Variants in OSBPL8 observed in about 807,000 individuals in gnomAD.
OSBPL8 encodes oxysterol binding protein like 8, also known as oxysterol-binding protein-related protein 8.
Under a neutral mutation model 125.5 loss-of-function variants are expected in OSBPL8, and 59 were observed. The ratio of observed to expected loss-of-function variants is 0.47; its 90% CI spans 0.38 to 0.58. The LOEUF (loss-of-function observed/expected upper bound fraction) is 0.58, where lower values mean the gene tolerates loss of function less well. OSBPL8 is among the 20% of genes least tolerant of loss of function. The pLI, the probability that OSBPL8 is intolerant of heterozygous loss-of-function variation, is 0.00. For synonymous variants in OSBPL8, 330 were observed against 338.9 expected (o/e 0.97, Z 0.29); for missense variants, 758 against 1,047.8 (o/e 0.72, Z 3.82).
chr12:76,410,750 A>C, intron 4 of OSBPL8, 116 bp from the exon 5 acceptor site: 1 of 660,148 alleles, frequency 1.5e-6, no homozygotes, highest in Non-Finnish European at 2.7e-6. Context: ...CTGTACACAC[A>C]GCTTTAAACT....
At chr12:76,480,108 A>C (rs1467038191) in intron 2 of OSBPL8, among the ~76,000 whole-genome samples, 1 of 140,136 alleles carries the variant, frequency 7.1e-6, no homozygotes, top group Non-Finnish European at 1.5e-5. Flanking sequence ...CAGAGGTTGC[A>C]GTGAGCCGAG....
At chr12:76,496,339 G>A (rs191544970) in intron 1 of OSBPL8, among the ~76,000 whole-genome samples, 56 of 150,478 alleles carry the variant, frequency 3.7e-4, no homozygotes, top group Admixed American at 3.7e-3. Flanking sequence ...ATCCTGAGTT[G>A]TCTAACATGT....
At chr12:76,535,430 GTTAA>G (rs533963556) in intron 1 of OSBPL8, among the ~76,000 whole-genome samples, 2 of 152,152 alleles carry the variant, frequency 1.3e-5, no homozygotes, top group African/African-American at 2.4e-5. Flanking sequence ...CCACTAGAAT[GTTAA>G]TTAAATTTTT....
intron 1 of OSBPL8, among the ~76,000 whole-genome samples, chr12:76,518,442 G>C (rs1565963710): frequency 6.6e-6 from 1 of 152,190 alleles, no homozygotes; most frequent in African/African-American, 2.4e-5. Context: ...TCCAGGCTCA[G>C]GGTACAAGCT....
intron 1 of OSBPL8, among the ~76,000 whole-genome samples, chr12:76,533,257 G>A (rs1950399377): frequency 6.6e-6 from 1 of 151,972 alleles, no homozygotes; most frequent in Non-Finnish European, 1.5e-5. Flanking sequence ...CCATATGCAA[G>A]AACCAGGTTT....
chr12:76,517,597 T>C (rs927345148), intron 1 of OSBPL8, among the ~76,000 whole-genome samples: 1 of 152,222 alleles, frequency 6.6e-6, no homozygotes, highest in Admixed American at 6.5e-5. Flanking sequence ...AATTCCGTTA[T>C]GTACTAGTCC....
intron 1 of OSBPL8, among the ~76,000 whole-genome samples, chr12:76,551,118 A>G (rs188887621): frequency 1.3e-5 from 2 of 152,164 alleles, no homozygotes; most frequent in Non-Finnish European, 2.9e-5. Context: ...CACACACACT[A>G]GAAACTAGGA....
At chr12:76,357,383 T>C (rs758263061) in intron 22 of OSBPL8, among the ~76,000 whole-genome samples, 1 of 152,198 alleles carries the variant, frequency 6.6e-6, no homozygotes, top group Non-Finnish European at 1.5e-5. Flanking sequence ...TATAGTAATA[T>C]AGTAAAGTGG....
At chr12:76,361,254 T>C (rs956271879) in intron 21 of OSBPL8, among the ~76,000 whole-genome samples, 6 of 152,202 alleles carry the variant, frequency 3.9e-5, no homozygotes, top group African/African-American at 7.2e-5. Flanking sequence ...CAAATCTCTA[T>C]GTCAGGGACA....
At chr12:76,482,613 C>CA (rs138404186) in intron 2 of OSBPL8, among the ~76,000 whole-genome samples, 27 of 140,018 alleles carry the variant, frequency 1.9e-4, no homozygotes, top group South Asian at 6.7e-4. Flanking sequence ...AACTCCGTTT[C>CA]AAAAAAAAAA....
At chr12:76,450,760 AAT>A (rs1873290941) in intron 4 of OSBPL8, 89 bp downstream of exon 4, 15 of 1,325,396 alleles carry the variant, frequency 1.1e-5, no homozygotes, top group Non-Finnish European at 1.3e-5. Flanking sequence ...AAAGAAAAAA[AAT>A]ATGATAGTCC....
At chr12:76,387,903 C>T (rs1953385962) in intron 12 of OSBPL8, among the ~76,000 whole-genome samples, 1 of 152,072 alleles carries the variant, frequency 6.6e-6, no homozygotes, top group South Asian at 2.1e-4. Context: ...TGTTACTGCC[C>T]CGTCTCTCCA....
intron 1 of OSBPL8, chr12:76,537,921 A>G (rs1377291788): frequency 2.6e-5 from 4 of 152,196 alleles, no homozygotes; most frequent in African/African-American, 9.7e-5. Flanking sequence ...AAAAATAAAT[A>G]AATAAAATAA....
chr12:76,497,942 T>G (rs992055411), intron 1 of OSBPL8, among the ~76,000 whole-genome samples: 3 of 152,230 alleles, frequency 2.0e-5, no homozygotes, highest in Non-Finnish European at 4.4e-5. Flanking sequence ...TTGAACACTT[T>G]CAACACTTTT....
chr12:76,362,722 G>C (rs950982747), intron 21 of OSBPL8, among the ~76,000 whole-genome samples: 4 of 151,726 alleles, frequency 2.6e-5, no homozygotes, highest in Admixed American at 6.5e-5. Flanking sequence ...TATTCAAATA[G>C]GAGAAGAGGA....
At chr12:76,372,068 T>G (rs1952640614) in intron 18 of OSBPL8, among the ~76,000 whole-genome samples, 1 of 152,224 alleles carries the variant, frequency 6.6e-6, no homozygotes, top group Non-Finnish European at 1.5e-5. Context: ...ACATGGACGG[T>G]CTTGCTCTCT....
chr12:76,519,670 T>C (rs545449483), intron 1 of OSBPL8, among the ~76,000 whole-genome samples: 30 of 152,288 alleles, frequency 2.0e-4, no homozygotes, highest in Admixed American at 3.9e-4. Context: ...ACAGGAAGAA[T>C]GGTGACCACA....
chr12:76,500,477 A>C (rs1178598434), intron 1 of OSBPL8, among the ~76,000 whole-genome samples: 1 of 152,240 alleles, frequency 6.6e-6, no homozygotes, highest in Non-Finnish European at 1.5e-5. Flanking sequence ...TCCAAAGTTC[A>C]TATATCACTT....
chr12:76,509,374 C>T (rs955927621), intron 1 of OSBPL8, among the ~76,000 whole-genome samples: 4 of 152,116 alleles, frequency 2.6e-5, no homozygotes, highest in Non-Finnish European at 4.4e-5. Flanking sequence ...ACTGTATCTA[C>T]AGTAGATTAA....
Sources: allele counts gnomAD v4.1 joint callset (sites outside exome capture counted in the v4.1 genomes callset), GRCh38; gene constraint gnomAD v4.1.1; transcripts MANE v1.5; gene names NCBI Gene and HGNC (gene_info 2026-07-23, HGNC 2026-07-21).